Variants in PLCB4 observed in about 807,000 individuals in gnomAD.
PLCB4 encodes the protein phospholipase C beta 4.
Under a neutral mutation model 178.8 loss-of-function variants are expected in PLCB4, and 77 were observed. The ratio of observed to expected loss-of-function variants is 0.43; its 90% CI spans 0.36 to 0.52. The LOEUF is 0.52. Ranked by LOEUF, PLCB4 falls within the 20% of genes least tolerant of loss-of-function variation. The pLI is 0.00. For synonymous variants in PLCB4, 496 were observed against 490.8 expected (o/e 1.01, Z -0.14); for missense variants, 1,024 against 1,453.4 (o/e 0.70, Z 4.80).
intron 2 of PLCB4, among the ~76,000 whole-genome samples, chr20:9,101,917 T>C (rs894942654): frequency 2.0e-5 from 3 of 151,620 alleles, no homozygotes; most frequent in African/African-American, 7.3e-5. Flanking sequence ...TGATCTCGGC[T>C]CACTGCAACC....
chr20:9,198,235 T>G (rs759764754), intron 2 of PLCB4, among the ~76,000 whole-genome samples: 4 of 152,180 alleles, frequency 2.6e-5, no homozygotes, highest in Non-Finnish European at 5.9e-5. Flanking sequence ...AAAGCAATGT[T>G]TTTTCTCAAA....
At chr20:9,152,042 T>C (rs2092700623) in intron 2 of PLCB4, among the ~76,000 whole-genome samples, 1 of 152,086 alleles carries the variant, frequency 6.6e-6, no homozygotes, top group Non-Finnish European at 1.5e-5. Flanking sequence ...AACTTTAAAC[T>C]TGAGAGAGAT....
intron 2 of PLCB4, among the ~76,000 whole-genome samples, chr20:9,136,836 C>T (rs998028923): frequency 6.6e-6 from 1 of 151,940 alleles, no homozygotes. Context: ...TTCTGTTTGC[C>T]CCTTGAGAGT....
At chr20:9,155,960 T>A (rs2092781098) in intron 2 of PLCB4, among the ~76,000 whole-genome samples, 1 of 152,196 alleles carries the variant, frequency 6.6e-6, no homozygotes, top group Non-Finnish European at 1.5e-5. Flanking sequence ...GAGAGTGTTT[T>A]GAGACAGCCA....
intron 32 of PLCB4, among the ~76,000 whole-genome samples, chr20:9,452,956 C>T (rs1477072467): frequency 6.6e-6 from 1 of 152,194 alleles, no homozygotes; most frequent in East Asian, 1.9e-4. Context: ...GCTGAACTTG[C>T]ATGTTTGAGG....
At chr20:9,258,545 T>G (rs1253724329) in intron 3 of PLCB4, among the ~76,000 whole-genome samples, 3 of 151,680 alleles carry the variant, frequency 2.0e-5, no homozygotes, top group Non-Finnish European at 2.9e-5. Flanking sequence ...TGAAACCCCG[T>G]CTCTACTAAA....
At chr20:9,289,729 A>G (rs2147754812) in intron 3 of PLCB4, among the ~76,000 whole-genome samples, 1 of 152,240 alleles carries the variant, frequency 6.6e-6, no homozygotes, top group South Asian at 2.1e-4. Context: ...CCAAGGTCAG[A>G]CAATGAGGGT....
intron 2 of PLCB4, among the ~76,000 whole-genome samples, chr20:9,161,816 C>CA (rs2146984283): frequency 6.6e-6 from 1 of 151,930 alleles, no homozygotes; most frequent in African/African-American, 2.4e-5. Flanking sequence ...TTAGATTCTA[C>CA]AAAAAAGAGT....
intron 35 of PLCB4, among the ~76,000 whole-genome samples, chr20:9,464,693 A>G (rs2043644450): frequency 6.6e-6 from 1 of 152,370 alleles, no homozygotes; most frequent in East Asian, 1.9e-4. Flanking sequence ...AGAAATGGAT[A>G]AATTCCTGGA....
chr20:9,291,562 G>A (rs2094580006), intron 3 of PLCB4, among the ~76,000 whole-genome samples: 1 of 152,096 alleles, frequency 6.6e-6, no homozygotes, highest in Non-Finnish European at 1.5e-5. Flanking sequence ...TGAAAATAAT[G>A]TGCATGTATA....
intron 3 of PLCB4, among the ~76,000 whole-genome samples, chr20:9,303,884 A>G (rs1227592690): frequency 1.3e-5 from 2 of 152,162 alleles, no homozygotes; most frequent in African/African-American, 2.4e-5. Context: ...AGTTATATAC[A>G]ATATTCTCTT....
intron 3 of PLCB4, among the ~76,000 whole-genome samples, chr20:9,300,423 A>C (rs1317768539): frequency 2.0e-5 from 3 of 152,188 alleles, no homozygotes; most frequent in African/African-American, 7.2e-5. Flanking sequence ...TTCACTTGAA[A>C]GCTATATGTT....
At chr20:9,294,868 C>A (rs991746306) in intron 3 of PLCB4, among the ~76,000 whole-genome samples, 4 of 152,092 alleles carry the variant, frequency 2.6e-5, no homozygotes, top group Non-Finnish European at 5.9e-5. Flanking sequence ...TAATCTAAGG[C>A]AAATCCAGGG....
intron 3 of PLCB4, among the ~76,000 whole-genome samples, chr20:9,256,055 A>G (rs1169281282): frequency 2.0e-5 from 3 of 152,154 alleles, no homozygotes; most frequent in Admixed American, 2.0e-4. Flanking sequence ...TATAAAGGAG[A>G]AAGTCATCTC....
chr20:9,176,809 A>G (rs2093162776), intron 2 of PLCB4, among the ~76,000 whole-genome samples: 1 of 152,176 alleles, frequency 6.6e-6, no homozygotes, highest in African/African-American at 2.4e-5. Context: ...GCAAACTTTT[A>G]AGAAAAATAA....
chr20:9,296,193 C>T (rs887427604), intron 3 of PLCB4, among the ~76,000 whole-genome samples: 3 of 152,040 alleles, frequency 2.0e-5, no homozygotes, highest in Non-Finnish European at 2.9e-5. Context: ...AAAAAGTGGG[C>T]GAAGGATGTG....
intron 3 of PLCB4, among the ~76,000 whole-genome samples, chr20:9,295,299 C>T (rs190405110): frequency 6.6e-5 from 10 of 152,188 alleles, no homozygotes; most frequent in Admixed American, 2.6e-4. Context: ...CTTTCCTGCG[C>T]GGTAAAGTAT....
rs1449541462 is a variant in PLCB4, at chr20:9,293,620, A to AAC, written c.-15-14179_-15-14178insCA. Among the ~76,000 whole-genome samples the AAC allele has an allele frequency of 6.8e-5, 4 of 58,514 alleles. No individual in the cohort carries two copies. The South Asian group carries it at 2.1e-3, about 31-fold the overall frequency. 38.4% of individuals were successfully genotyped at this position (58,514 alleles called of 152,430 possible). On this transcript the variant is annotated intron_variant, in intron 3 of 39. Coordinates refer to ENST00000378473, the MANE Select transcript of PLCB4 (RefSeq NM_001377142.1). ...GGTTGGGAGCTCCTCCACAGAGTAA[A>AAC]ATATTCATTCATTCATTCATTCATT...
intron 2 of PLCB4, among the ~76,000 whole-genome samples, chr20:9,199,118 T>C (rs2093509337): frequency 6.6e-6 from 1 of 152,100 alleles, no homozygotes; most frequent in African/African-American, 2.4e-5. Flanking sequence ...TGTTAATAAA[T>C]GTTGAAGTAC....
Sources: gnomAD v4.1 joint callset for allele counts (sites outside exome capture counted in the v4.1 genomes callset) on GRCh38, gnomAD v4.1.1 for gene constraint, MANE v1.5 for transcripts, NCBI Gene and HGNC (gene_info 2026-07-23, HGNC 2026-07-21) for gene names.